Variants in LYG2 observed in about 807,000 individuals in gnomAD.
The protein encoded by LYG2 is lysozyme g-like protein 2.
A neutral mutation model predicts 22.4 loss-of-function variants in LYG2; 25 were observed. That is an observed-to-expected ratio of 1.12 (90% confidence interval 0.81 to 1.56). LYG2 has a LOEUF of 1.56. Among genes scored for constraint, LYG2 ranks in the 40% most tolerant of loss-of-function variants. The pLI is 0.00. For missense variants in LYG2, 266 were observed against 269.5 expected, an observed-to-expected ratio of 0.99 and a Z score of 0.09; for synonymous variants, 88 against 97.0, an observed-to-expected ratio of 0.91 and a Z score of 0.55.
Position 99,246,691 on chromosome 2 carries a change from A to C in LYG2, c.173T>G (p.Val58Gly). The change falls in exon 4 of 7, where the codon GTG becomes GGG. Residue 58 changes from valine (V) to glycine (G), a missense_variant. By Grantham distance (109) the Val-to-Gly change is moderately radical (BLOSUM62 -3). Coordinates refer to ENST00000333017, the MANE Select transcript of LYG2 (RefSeq NM_175735.4). ...TSGATCDANSVMNCGIRGSEM... is the reference protein window; with the variant it reads ...TSGATCDANSGMNCGIRGSEM... ...TGCTTTTCACTTACCGCAGTTCATC[A>C]CACTGTTTGCATCACAAGTGGCCCC... 2 of 1,613,732 alleles carry C rather than the reference A, an allele frequency of 1.2e-6. No homozygotes were observed. Among genetic ancestry groups the C allele is most frequent in the Non-Finnish European group, 1.7e-6 (2 of 1,179,940 alleles).
chr2:99,257,732 C>G (rs1325418416), upstream of LYG2, among the ~76,000 whole-genome samples: 1 of 152,200 alleles, frequency 6.6e-6, no homozygotes, highest in East Asian at 1.9e-4. Flanking sequence ...CAGCAATTCT[C>G]TGGCAGCTTC....
At position 99,244,024 on chromosome 2, in the gene LYG2, C is replaced by T. The variant is rs200800068; in HGVS notation, c.495G>A (p.Thr165=). 2.5e-5 allele frequency: 40 copies of T among 1,614,044 alleles called. No homozygotes were observed. The highest frequency in any genetic ancestry group is 3.2e-5 in the Non-Finnish European group (38 of 1,179,996). ...CTTTGAGGTGCTGAGCAACACTCCA[C>T]GTGGGGAATTTTTTCTGGATTGCCT... The part of the protein sequence containing the change: ...RIKAIQKKFP[T]WSVAQHLKGG... The change falls in exon 6 of 7, where the codon ACG becomes ACA. Residue 165 remains threonine (T), a synonymous_variant. Transcript: ENST00000333017.
At chr2:99,245,613 A>T (rs1379001161) in intron 4 of LYG2, among the ~76,000 whole-genome samples, 155 bp from the exon 5 acceptor site, 1 of 51,584 alleles carries the variant, frequency 1.9e-5, no homozygotes, top group Admixed American at 1.7e-4. Flanking sequence ...ATCTCTAATT[A>T]AAAAAAAAAA....
chr2:99,252,680 G>T (rs953347826), intron 3 of LYG2, among the ~76,000 whole-genome samples: 1 of 152,130 alleles, frequency 6.6e-6, no homozygotes, highest in African/African-American at 2.4e-5. Flanking sequence ...TCACTGGGAG[G>T]CAGTCTTTGC....
chr2:99,252,400 A>G (rs2094028240), intron 3 of LYG2, among the ~76,000 whole-genome samples: 1 of 149,812 alleles, frequency 6.7e-6, no homozygotes, highest in Non-Finnish European at 1.5e-5. Flanking sequence ...CCTTCCTCTC[A>G]CTCTTTCCCT....
intron 6 of LYG2, 122 bp from the exon 7 acceptor site, chr2:99,242,604 T>C: frequency 1.8e-6 from 1 of 553,848 alleles, no homozygotes; most frequent in Non-Finnish European, 3.2e-6. Context: ...CAAATCCTCC[T>C]CCCTCTCCCT....
At chr2:99,259,985 A>G (rs1240197207), upstream of LYG2, among the ~76,000 whole-genome samples, 3 of 138,934 alleles carry the variant, frequency 2.2e-5, no homozygotes, top group East Asian at 4.1e-4. Flanking sequence ...TTTTTGATGG[A>G]GACTCACTGT....
At chr2:99,253,052 A>C (rs543824390) in intron 3 of LYG2, among the ~76,000 whole-genome samples, 478 of 150,506 alleles carry the variant, frequency 3.2e-3, no homozygotes, top group African/African-American at 0.011. Context: ...CTGTCTCAAA[A>C]AAAAAAAAAA....
chr2:99,251,415 G>A (rs748649467), intron 3 of LYG2, among the ~76,000 whole-genome samples: 9 of 152,124 alleles, frequency 5.9e-5, no homozygotes, highest in Non-Finnish European at 1.2e-4. Flanking sequence ...CTGTCTCATT[G>A]TTGGTTGGTA....
In LYG2 at chr2:99,242,396, G is replaced by A. The variant is rs763766144; in HGVS notation, c.607C>T (p.Arg203Ter). 88 of 1,613,214 alleles carry A rather than the reference G, an allele frequency of 5.5e-5. No individual in the cohort carries two copies. In the East Asian group the frequency reaches 8.2e-4, roughly 15 times the overall value. ...CTTTGTCTTTTATAGAACTTAGCTC[G>A]AGCAATGATATCATTGACGAAGTCA... ...DNDFVNDIIA[R>*]AKFYKRQSF is the part of the protein sequence containing the mutation. The change falls in exon 7 of 7, where the codon CGA becomes TGA. Residue 203 changes from arginine to a stop codon, truncating the protein, a stop_gained. Coordinates refer to ENST00000333017, the MANE Select transcript of LYG2 (RefSeq NM_175735.4). LOFTEE classifies it high-confidence loss of function.
chr2:99,247,384 C>G (rs1326349157), intron 3 of LYG2, among the ~76,000 whole-genome samples: 1 of 152,074 alleles, frequency 6.6e-6, no homozygotes, highest in African/African-American at 2.4e-5. Flanking sequence ...GTAGTCATAC[C>G]ATGCTCTATG....
chr2:99,253,068 A>G (rs895811669), intron 3 of LYG2, among the ~76,000 whole-genome samples: 1 of 151,404 alleles, frequency 6.6e-6, no homozygotes, highest in African/African-American at 2.4e-5. Flanking sequence ...AAAAAAAAAA[A>G]AGGCTTATCA....
the LYG2 span, among the ~76,000 whole-genome samples, chr2:99,261,090 G>A: frequency 6.6e-6 from 1 of 152,092 alleles, no homozygotes; most frequent in African/African-American, 2.4e-5. Context: ...GAAATGCTGG[G>A]GTCTGACACG....
At chr2:99,261,444 C>T in the LYG2 span, among the ~76,000 whole-genome samples, 1 of 152,214 alleles carries the variant, frequency 6.6e-6, no homozygotes, top group Non-Finnish European at 1.5e-5. Flanking sequence ...TTCCCAAGTG[C>T]TTGCTCACTC....
In LYG2 at chr2:99,244,155, T is replaced by C. The variant is rs770441935; in HGVS notation, c.382-18A>G. 1 of 1,610,048 alleles carries C rather than the reference T, an allele frequency of 6.2e-7. No individual in the cohort carries two copies. Among genetic ancestry groups the C allele is most frequent in the East Asian group, 2.2e-5 (1 of 44,820 alleles). On this transcript the variant is annotated intron_variant, in intron 5 of 6. Transcript: ENST00000333017. ...TTATCAAGCTAGAAAATTCAGATAATAAAGTCAGCATCTGGATGAGGTAAC... is the reference window on the plus strand; with the variant it reads ...TTATCAAGCTAGAAAATTCAGATAACAAAGTCAGCATCTGGATGAGGTAAC...
At chr2:99,256,805 A>T (rs921144123), upstream of LYG2, among the ~76,000 whole-genome samples, 1 of 152,194 alleles carries the variant, frequency 6.6e-6, no homozygotes, top group Non-Finnish European at 1.5e-5. Context: ...ACTGATGTGG[A>T]TTGTTCTGTT....
chr2:99,243,102 T>A (rs1374616750), intron 6 of LYG2, among the ~76,000 whole-genome samples: 1 of 152,130 alleles, frequency 6.6e-6, no homozygotes, highest in Non-Finnish European at 1.5e-5. Flanking sequence ...CTGTTCTGAT[T>A]AAGGCCGTTA....
chr2:99,247,437 G>GTT (rs1001184117), intron 3 of LYG2, among the ~76,000 whole-genome samples: 17 of 141,914 alleles, frequency 1.2e-4, no homozygotes, highest in Non-Finnish European at 2.0e-4. Context: ...AAACTTGAGA[G>GTT]TTTTTTTTTT....
intron 3 of LYG2, 65 bp downstream of exon 3, chr2:99,254,153 A>C (rs1002370299): frequency 7.2e-7 from 1 of 1,394,192 alleles, no homozygotes; most frequent in African/African-American, 1.4e-5. Context: ...TTTCTGATTC[A>C]TGATTGTGCT....
Sources: gnomAD v4.1 joint callset for allele counts (sites outside exome capture counted in the v4.1 genomes callset) on GRCh38, gnomAD v4.1.1 for gene constraint, MANE v1.5 for transcripts, NCBI Gene and HGNC (gene_info 2026-07-23, HGNC 2026-07-21) for gene names.